Variants in LIMCH1 observed in about 807,000 individuals in gnomAD.
LIMCH1 encodes the protein LIM and calponin homology domains 1.
A neutral mutation model predicts 176.5 loss-of-function variants in LIMCH1; 113 were observed. That is an observed-to-expected ratio of 0.64 (90% confidence interval 0.55 to 0.75). The LOEUF (loss-of-function observed/expected upper bound fraction) is 0.75, where lower values mean the gene tolerates loss of function less well. Among genes scored for constraint, LIMCH1 ranks in the 30% least tolerant of loss-of-function variants. LIMCH1 has a pLI of 0.00. For synonymous variants in LIMCH1, 619 were observed against 645.9 expected, an observed-to-expected ratio of 0.96 and a Z score of 0.63; for missense variants, 1,674 against 1,814.9, an observed-to-expected ratio of 0.92 and a Z score of 1.41.
At chr4:41,668,909 G>A (rs577366981) in intron 21 of LIMCH1, among the ~76,000 whole-genome samples, 11 of 151,950 alleles carry the variant, frequency 7.2e-5, no homozygotes, top group Admixed American at 1.3e-4. Flanking sequence ...ATCAGATCTC[G>A]TGAGACTTAT....
At chr4:41,639,542 C>G (rs934906269) in intron 14 of LIMCH1, among the ~76,000 whole-genome samples, 3 of 152,092 alleles carry the variant, frequency 2.0e-5, no homozygotes, top group African/African-American at 7.2e-5. Flanking sequence ...CTGGCCCTTC[C>G]CCTCCCTGCT....
At chr4:41,391,915 A>C (rs1182233804) in intron 1 of LIMCH1, among the ~76,000 whole-genome samples, 1 of 152,234 alleles carries the variant, frequency 6.6e-6, no homozygotes, top group Non-Finnish European at 1.5e-5. Flanking sequence ...GTTAGATAAG[A>C]TGTTAATATT....
chr4:41,495,735 G>A (rs950475973), intron 2 of LIMCH1, among the ~76,000 whole-genome samples: 1 of 152,030 alleles, frequency 6.6e-6, no homozygotes, highest in Admixed American at 6.5e-5. Flanking sequence ...AGCTTCAAAA[G>A]GATAGAGTGA....
intron 1 of LIMCH1, among the ~76,000 whole-genome samples, chr4:41,423,802 G>A (rs1219063921): frequency 6.6e-6 from 1 of 152,184 alleles, no homozygotes; most frequent in South Asian, 2.1e-4. Context: ...TGCTATAAAG[G>A]TGTGGAGTTT....
At chr4:41,419,685 T>TG (rs2060409990) in intron 1 of LIMCH1, among the ~76,000 whole-genome samples, 1 of 43,192 alleles carries the variant, frequency 2.3e-5, no homozygotes, top group Admixed American at 2.4e-4. Context: ...TCCTTCCTCC[T>TG]TCCTTCCTTC....
At chr4:41,626,610 A>C in intron 7 of LIMCH1, 98 bp from the exon 8 acceptor site, 1 of 955,916 alleles carries the variant, frequency 1.0e-6, no homozygotes, top group Non-Finnish European at 1.5e-6. Context: ...AATATCGAGA[A>C]GACTTTTCAC....
chr4:41,668,626 A>G (rs2094912004), intron 21 of LIMCH1, among the ~76,000 whole-genome samples: 1 of 152,240 alleles, frequency 6.6e-6, no homozygotes, highest in Non-Finnish European at 1.5e-5. Flanking sequence ...AATTTAGTAG[A>G]GTACTGAAAC....
At chr4:41,481,021 A>G (rs1014139990) in intron 1 of LIMCH1, among the ~76,000 whole-genome samples, 1 of 145,788 alleles carries the variant, frequency 6.9e-6, no homozygotes, top group Non-Finnish European at 1.5e-5. Flanking sequence ...TCTTAATTAG[A>G]TTTTTTTTTT....
chr4:41,552,196 C>T (rs2080544353), intron 1 of LIMCH1, among the ~76,000 whole-genome samples: 1 of 152,160 alleles, frequency 6.6e-6, no homozygotes, highest in Non-Finnish European at 1.5e-5. Flanking sequence ...CACTGACTCC[C>T]TCCCACAACT....
At chr4:41,485,741 G>A (rs1296212564) in intron 1 of LIMCH1, among the ~76,000 whole-genome samples, 2 of 152,174 alleles carry the variant, frequency 1.3e-5, no homozygotes, top group African/African-American at 4.8e-5. Context: ...AGCTATGGGA[G>A]TGGGAGCGAG....
At chr4:41,638,218 G>A (rs1311076656) in intron 13 of LIMCH1, among the ~76,000 whole-genome samples, 2 of 152,020 alleles carry the variant, frequency 1.3e-5, no homozygotes, top group South Asian at 2.1e-4. Flanking sequence ...TTAGACTTCC[G>A]GTGACTATCG....
intron 1 of LIMCH1, among the ~76,000 whole-genome samples, chr4:41,361,504 G>A (rs115995457): frequency 0.037 from 5,598 of 152,316 alleles, 149 homozygotes; most frequent in South Asian, 0.063. Flanking sequence ...CAGGGCGGGG[G>A]TAGCTTGCAA....
At chr4:41,486,977 T>TACACACACACACACACACACACAC (rs71927545) in intron 1 of LIMCH1, among the ~76,000 whole-genome samples, 4 of 138,404 alleles carry the variant, frequency 2.9e-5, no homozygotes, top group Admixed American at 1.4e-4. Flanking sequence ...CACACATACA[T>TACACACACACACACACACACACAC]ACACACACAC....
chr4:41,511,223 C>T (rs2074874077), intron 2 of LIMCH1, among the ~76,000 whole-genome samples: 1 of 152,192 alleles, frequency 6.6e-6, no homozygotes, highest in Non-Finnish European at 1.5e-5. Context: ...ATTATTGTTC[C>T]TACAATTCTC....
At chr4:41,645,710 G>A (rs1189509993) in intron 15 of LIMCH1, among the ~76,000 whole-genome samples, 2 of 152,162 alleles carry the variant, frequency 1.3e-5, no homozygotes, top group Non-Finnish European at 2.9e-5. Flanking sequence ...TGCCTTGACT[G>A]CCTTCCATGT....
chr4:41,394,148 G>A (rs1050356433), intron 1 of LIMCH1, among the ~76,000 whole-genome samples: 19 of 152,048 alleles, frequency 1.2e-4, no homozygotes, highest in African/African-American at 4.1e-4. Flanking sequence ...TAGTGTGCTA[G>A]GCCAAAATTG....
At chr4:41,527,022 C>T (rs1031503789) in intron 3 of LIMCH1, among the ~76,000 whole-genome samples, 16 of 152,186 alleles carry the variant, frequency 1.1e-4, no homozygotes, top group African/African-American at 3.9e-4. Flanking sequence ...TCCTGCTCTT[C>T]TTGACAAAAT....
Position 41,372,021 on chromosome 4 carries a change from A to G in LIMCH1, c.96+11085A>G, listed in dbSNP as rs144813892. Among the ~76,000 whole-genome samples, 14 of 152,302 alleles carry G rather than the reference A, an allele frequency of 9.2e-5. No homozygotes were observed. In the East Asian group the frequency reaches 2.5e-3, roughly 27 times the overall value. On this transcript the variant is annotated intron_variant, in intron 1 of 26. Transcript: ENST00000313860. ...TAGCAGTAGTTGAAAACAAAATAGGATAGTAGAGGTGAACACAACCAGCCA... is the reference window on the plus strand; with the variant it reads ...TAGCAGTAGTTGAAAACAAAATAGGGTAGTAGAGGTGAACACAACCAGCCA...
intron 30 of LIMCH1, among the ~76,000 whole-genome samples, chr4:41,690,639 G>T (rs1348529708): frequency 6.6e-6 from 1 of 152,038 alleles, no homozygotes; most frequent in African/African-American, 2.4e-5. Context: ...AAGTAAATTT[G>T]CCTGGGTTTA....
Sources: gnomAD v4.1 joint callset for allele counts (sites outside exome capture counted in the v4.1 genomes callset) on GRCh38, gnomAD v4.1.1 for gene constraint, MANE v1.5 for transcripts, NCBI Gene and HGNC (gene_info 2026-07-23, HGNC 2026-07-21) for gene names.